The following RUNDC3B variants were observed in gnomAD, a reference collection of about 807,000 sequenced individuals.
RUNDC3B encodes RUN domain containing 3B, also known as RUN domain-containing protein 3B.
In RUNDC3B, 33 loss-of-function variants were observed where a neutral mutation model predicts 58.4. The observed-to-expected ratio is 0.56, with a 90% CI of 0.43 to 0.75. RUNDC3B has a LOEUF of 0.75. Among genes scored for constraint, RUNDC3B ranks in the 30% least tolerant of loss-of-function variants. RUNDC3B has a pLI of 0.00. For synonymous variants in RUNDC3B, 193 were observed against 195.2 expected (o/e 0.99, Z 0.10); for missense variants, 501 against 535.7 (o/e 0.94, Z 0.64).
At chr7:87,629,866 T>C (rs1821023786) in intron 1 of RUNDC3B, among the ~76,000 whole-genome samples, 1 of 149,110 alleles carries the variant, frequency 6.7e-6, no homozygotes, top group Non-Finnish European at 1.5e-5. Context: ...GCGGTTGCAA[T>C]GAGCTGAGAT....
At chr7:87,750,399 T>C (rs1474190028) in intron 6 of RUNDC3B, among the ~76,000 whole-genome samples, 3 of 151,296 alleles carry the variant, frequency 2.0e-5, no homozygotes, top group Non-Finnish European at 4.4e-5. Context: ...TACCCAGTAA[T>C]GGGATGGCTG....
intron 8 of RUNDC3B, among the ~76,000 whole-genome samples, chr7:87,800,606 A>C (rs1369367126): frequency 6.6e-6 from 1 of 151,700 alleles, no homozygotes; most frequent in East Asian, 1.9e-4. Flanking sequence ...TTACATTCCC[A>C]CCAACAGTGT....
chr7:87,792,323 A>G (rs994735316), intron 8 of RUNDC3B, among the ~76,000 whole-genome samples: 1 of 152,114 alleles, frequency 6.6e-6, no homozygotes, highest in Non-Finnish European at 1.5e-5. Context: ...CAAAATCAAC[A>G]AAGAAACATT....
At chr7:87,657,479 C>CTA (rs1824224017) in intron 2 of RUNDC3B, among the ~76,000 whole-genome samples, 1 of 152,156 alleles carries the variant, frequency 6.6e-6, no homozygotes, top group South Asian at 2.1e-4. Flanking sequence ...CCTCCTGAGG[C>CTA]TATAACAGTG....
chr7:87,819,849 G>A (rs943770628), intron 10 of RUNDC3B, among the ~76,000 whole-genome samples: 4 of 151,990 alleles, frequency 2.6e-5, no homozygotes, highest in African/African-American at 9.7e-5. Flanking sequence ...CGAGAACAAA[G>A]ACCCAACATA....
chr7:87,651,595 G>C (rs537940947), intron 2 of RUNDC3B, among the ~76,000 whole-genome samples: 1 of 152,132 alleles, frequency 6.6e-6, no homozygotes, highest in East Asian at 1.9e-4. Flanking sequence ...TCTTCCTAAA[G>C]CAAACTTGAT....
intron 10 of RUNDC3B, among the ~76,000 whole-genome samples, chr7:87,826,122 G>A (rs1027325892): frequency 6.6e-6 from 1 of 152,082 alleles, no homozygotes; most frequent in African/African-American, 2.4e-5. Flanking sequence ...GCCAGGGGAA[G>A]AATGATATGG....
intron 8 of RUNDC3B, among the ~76,000 whole-genome samples, chr7:87,797,069 G>A (rs1198402308): frequency 6.6e-6 from 1 of 152,060 alleles, no homozygotes; most frequent in Non-Finnish European, 1.5e-5. Context: ...TTTATGTTTG[G>A]GGGCACAAAG....
chr7:87,825,724 G>T (rs1158754190), intron 10 of RUNDC3B, among the ~76,000 whole-genome samples: 1 of 152,226 alleles, frequency 6.6e-6, no homozygotes, highest in African/African-American at 2.4e-5. Flanking sequence ...AACCACAGGG[G>T]TGGAGCTGCC....
chr7:87,645,210 G>A (rs1030525348), intron 1 of RUNDC3B, among the ~76,000 whole-genome samples: 1 of 151,762 alleles, frequency 6.6e-6, no homozygotes, highest in African/African-American at 2.4e-5. Context: ...AGCCTCTTGA[G>A]TAGCTGGGAT....
intron 2 of RUNDC3B, chr7:87,694,050 TTTTAGTACA>T: frequency 6.4e-7 from 1 of 1,564,630 alleles, no homozygotes; most frequent in South Asian, 1.2e-5. Flanking sequence ...AAGTGATCTT[TTTTAGTACA>T]TTGCATGGGT....
At chr7:87,811,128 C>A (rs1836691222) in intron 9 of RUNDC3B, among the ~76,000 whole-genome samples, 1 of 152,118 alleles carries the variant, frequency 6.6e-6, no homozygotes, top group African/African-American at 2.4e-5. Context: ...TTATCTGTTA[C>A]ATAATCTTCA....
intron 2 of RUNDC3B, among the ~76,000 whole-genome samples, chr7:87,668,411 T>C (rs1825485768): frequency 6.6e-6 from 1 of 152,020 alleles, no homozygotes; most frequent in Admixed American, 6.6e-5. Flanking sequence ...TGGCCTATTT[T>C]ATTAGTTTTT....
intron 8 of RUNDC3B, among the ~76,000 whole-genome samples, chr7:87,796,044 G>A (rs974279685): frequency 1.3e-5 from 2 of 152,120 alleles, no homozygotes; most frequent in African/African-American, 4.8e-5. Context: ...GCCAAGATTT[G>A]GAAGCAACCT....
chr7:87,744,155 T>G (rs1832512837), intron 6 of RUNDC3B, among the ~76,000 whole-genome samples: 1 of 152,224 alleles, frequency 6.6e-6, no homozygotes, highest in Admixed American at 6.5e-5. Context: ...TTCTCTATTC[T>G]GTTCCACTGG....
At chr7:87,757,039 A>G (rs1443871755) in intron 6 of RUNDC3B, among the ~76,000 whole-genome samples, 1 of 152,174 alleles carries the variant, frequency 6.6e-6, no homozygotes, top group African/African-American at 2.4e-5. Flanking sequence ...AATGTATAGC[A>G]TAAAAAATTT....
intron 10 of RUNDC3B, among the ~76,000 whole-genome samples, chr7:87,822,583 G>A (rs987674643): frequency 3.3e-5 from 5 of 152,150 alleles, no homozygotes; most frequent in African/African-American, 1.2e-4. Context: ...AAAGACACAT[G>A]CACACATATG....
chr7:87,683,299 T>G (rs967785070), intron 2 of RUNDC3B, among the ~76,000 whole-genome samples: 4 of 152,224 alleles, frequency 2.6e-5, no homozygotes, highest in African/African-American at 9.6e-5. Flanking sequence ...CCTTCATGTG[T>G]TCACTGGAAT....
intron 2 of RUNDC3B, among the ~76,000 whole-genome samples, chr7:87,675,789 T>A (rs1314756139): frequency 6.6e-6 from 1 of 151,534 alleles, no homozygotes; most frequent in East Asian, 1.9e-4. Context: ...ACATAAGACC[T>A]GAAACTGTAA....
Sources: allele counts gnomAD v4.1 joint callset (sites outside exome capture counted in the v4.1 genomes callset), GRCh38; gene constraint gnomAD v4.1.1; transcripts MANE v1.5; gene names NCBI Gene and HGNC (gene_info 2026-07-23, HGNC 2026-07-21).